EYS: variants seen among roughly 807,000 people sequenced by gnomAD.
EYS encodes protein eyes shut homolog.
EYS carries 250 observed loss-of-function variants against 282.1 expected under a neutral mutation model. The ratio of observed to expected loss-of-function variants is 0.89; its 90% CI spans 0.80 to 0.98. The LOEUF (loss-of-function observed/expected upper bound fraction) is 0.98. Among genes scored for constraint, EYS ranks in the 50% least tolerant of loss-of-function variants. The probability of loss-of-function intolerance (pLI) is 0.00; values close to 1 mark genes in which losing one functional copy is unlikely to be tolerated. For missense variants in EYS, 4,016 were observed against 3,709.0 expected (o/e 1.08, Z -2.15); for synonymous variants, 1,355 against 1,282.9 (o/e 1.06, Z -1.20).
At chr6:64,301,674 A>C (rs6931855) in intron 30 of EYS, among the ~76,000 whole-genome samples, 104,308 of 152,020 alleles carry the variant, frequency 0.69, 35,816 homozygotes, top group South Asian at 0.71. Flanking sequence ...GCAAATAGCC[A>C]TCTCTGATTA....
chr6:64,141,360 G>T (rs1774332297), intron 31 of EYS, among the ~76,000 whole-genome samples: 1 of 152,210 alleles, frequency 6.6e-6, no homozygotes, highest in African/African-American at 2.4e-5. Context: ...ACAGGATGCA[G>T]TTTTACTATG....
chr6:64,385,211 C>A lies in EYS; in HGVS notation c.6078+3479G>T, dbSNP rs368961131. On this transcript the variant is annotated intron_variant, in intron 29 of 42. Coordinates refer to ENST00000503581, the MANE Select transcript of EYS (RefSeq NM_001142800.2). ...ATTTCCTATCTTTCTTTTTCTGATTCATCATACGAGTTCTCTTTAAGAATT... is the reference window on the plus strand; with the variant it reads ...ATTTCCTATCTTTCTTTTTCTGATTAATCATACGAGTTCTCTTTAAGAATT... 3.2e-4 allele frequency among the ~76,000 whole-genome samples: 49 copies of A among 152,236 alleles called. No homozygotes were observed. In the East Asian group the frequency reaches 7.7e-3, roughly 24 times the overall value.
intron 2 of EYS, among the ~76,000 whole-genome samples, chr6:65,549,970 G>A (rs1768540564): frequency 6.9e-6 from 1 of 145,476 alleles, no homozygotes; most frequent in African/African-American, 2.5e-5. Flanking sequence ...AATGTCTCAG[G>A]GAGGGGCAAG....
chr6:64,757,875 C>G (rs2149975912), intron 22 of EYS, among the ~76,000 whole-genome samples: 2 of 152,112 alleles, frequency 1.3e-5, no homozygotes, highest in Middle Eastern at 3.4e-3. Flanking sequence ...AGCTTCGCCT[C>G]CCGGCTTCAC....
intron 24 of EYS, among the ~76,000 whole-genome samples, chr6:64,608,111 G>A (rs1302913142): frequency 6.6e-6 from 1 of 152,120 alleles, no homozygotes; most frequent in African/African-American, 2.4e-5. Context: ...GTATGATATT[G>A]CATTCAACAG....
intron 28 of EYS, among the ~76,000 whole-genome samples, chr6:64,420,158 C>G (rs560385486): frequency 6.6e-6 from 1 of 152,304 alleles, no homozygotes; most frequent in Admixed American, 6.5e-5. Context: ...ACAGGCTCAA[C>G]ACCATGTGGA....
chr6:65,371,848 T>C (rs1014234925), intron 8 of EYS, among the ~76,000 whole-genome samples: 1 of 150,042 alleles, frequency 6.7e-6, no homozygotes, highest in Non-Finnish European at 1.5e-5. Context: ...CAGAGAGAGA[T>C]TTTCTTTAGA....
intron 18 of EYS, among the ~76,000 whole-genome samples, chr6:64,900,002 A>C (rs1767603012): frequency 6.6e-6 from 1 of 152,186 alleles, no homozygotes; most frequent in South Asian, 2.1e-4. Context: ...TACAGTAACC[A>C]AAACAGCATG....
At chr6:63,933,407 A>G (rs974942574) in intron 35 of EYS, among the ~76,000 whole-genome samples, 1 of 152,010 alleles carries the variant, frequency 6.6e-6, no homozygotes, top group African/African-American at 2.4e-5. Flanking sequence ...GGGTTTCACC[A>G]TGTTGGCCAG....
At chr6:63,884,830 A>G (rs1773223994) in intron 35 of EYS, among the ~76,000 whole-genome samples, 3 of 152,034 alleles carry the variant, frequency 2.0e-5, no homozygotes. Context: ...TTCTTCTTCA[A>G]TACACTTTTT....
chr6:65,561,138 C>A (rs1202238501), intron 2 of EYS, among the ~76,000 whole-genome samples: 1 of 152,140 alleles, frequency 6.6e-6, no homozygotes, highest in Non-Finnish European at 1.5e-5. Flanking sequence ...CCAAGGCTGA[C>A]AATCAACTTT....
chr6:64,008,191 GTC>G (rs1414755262), intron 33 of EYS, among the ~76,000 whole-genome samples: 2 of 151,914 alleles, frequency 1.3e-5, no homozygotes, highest in Non-Finnish European at 2.9e-5. Flanking sequence ...GAATGATTAG[GTC>G]TTTTTTTCGA....
intron 28 of EYS, among the ~76,000 whole-genome samples, chr6:64,432,884 A>G (rs1774619490): frequency 6.6e-6 from 1 of 152,078 alleles, no homozygotes; most frequent in South Asian, 2.1e-4. Flanking sequence ...TCATTAAAAT[A>G]TGAGCACCAG....
At chr6:64,808,700 A>T (rs896105758) in intron 22 of EYS, among the ~76,000 whole-genome samples, 1 of 152,038 alleles carries the variant, frequency 6.6e-6, no homozygotes, top group Non-Finnish European at 1.5e-5. Context: ...CAGCAAATTT[A>T]TCCTTGCCAG....
chr6:65,375,582 A>G (rs924364041), intron 8 of EYS, among the ~76,000 whole-genome samples: 2 of 152,074 alleles, frequency 1.3e-5, no homozygotes, highest in African/African-American at 4.8e-5. Flanking sequence ...GGGTAATAAC[A>G]AACTCCTCTG....
chr6:65,073,890 T>A lies in EYS; in HGVS notation c.2024-16163A>T, dbSNP rs567831913. Among the ~76,000 whole-genome samples, 19 of 152,068 alleles carry A rather than the reference T, an allele frequency of 1.2e-4. No individual in the cohort carries two copies. The South Asian group carries it at 2.5e-3, about 20-fold the overall frequency. ...ATGCGCACAACTAAACACTGCCACCTAGAAATGAACACTTGAATTATAAAA... is the reference window on the plus strand; with the variant it reads ...ATGCGCACAACTAAACACTGCCACCAAGAAATGAACACTTGAATTATAAAA... On this transcript the variant is annotated intron_variant, in intron 12 of 42. Transcript: ENST00000503581.
rs180926724 is a variant in EYS, at chr6:64,950,720, A to T, written c.2260-4806T>A. 1.9e-3 allele frequency among the ~76,000 whole-genome samples: 286 copies of T among 148,080 alleles called. 1 individual carries two copies. Among genetic ancestry groups the T allele is most frequent in the Middle Eastern group, 0.018 (5 of 284 alleles). Reference sequence around the variant, plus strand: ...ACAACAACTACCTACAAAATGATTTAAAAAAACCCTGCCAAACATCAGTTT... The same window carrying T: ...ACAACAACTACCTACAAAATGATTTTAAAAAACCCTGCCAAACATCAGTTT... On this transcript the variant is annotated intron_variant, in intron 14 of 42. Transcript: ENST00000503581.
chr6:65,019,004 A>G (rs1254460657), intron 13 of EYS, among the ~76,000 whole-genome samples: 1 of 152,182 alleles, frequency 6.6e-6, no homozygotes, highest in Non-Finnish European at 1.5e-5. Flanking sequence ...GATTATCTCA[A>G]TGAACACAAA....
chr6:64,377,084 AATAG>A lies in EYS; in HGVS notation c.6078+11602_6078+11605del, dbSNP rs745336445. On this transcript the variant is annotated intron_variant, in intron 29 of 42. Transcript: ENST00000503581. ...ATAGTGGATACTCTCTAGCTGGATG[AATAG>A]ATAGATAGATAGATAGATGGATAGA... 3.8e-4 allele frequency among the ~76,000 whole-genome samples: 57 copies of A among 151,962 alleles called. No individual in the cohort carries two copies. In the East Asian group the frequency reaches 6.4e-3, roughly 17 times the overall value.
Sources: allele counts gnomAD v4.1 joint callset (sites outside exome capture counted in the v4.1 genomes callset), GRCh38; gene constraint gnomAD v4.1.1; transcripts MANE v1.5; gene names NCBI Gene and HGNC (gene_info 2026-07-23, HGNC 2026-07-21).